AEBP2: variants seen among roughly 807,000 people sequenced by gnomAD.
AEBP2 encodes the protein AE binding protein 2.
Under a neutral mutation model 50.8 loss-of-function variants are expected in AEBP2, and 10 were observed. The ratio of observed to expected loss-of-function variants is 0.20; its 90% CI spans 0.12 to 0.33. AEBP2 has a LOEUF of 0.33. AEBP2 is among the 10% of genes least tolerant of loss of function. AEBP2 has a pLI of 1.00. For synonymous variants in AEBP2, 296 were observed against 261.3 expected (o/e 1.13, Z -1.28); for missense variants, 570 against 688.0 (o/e 0.83, Z 1.92).
intron 3 of AEBP2, among the ~76,000 whole-genome samples, chr12:19,483,012 C>T (rs376122190): frequency 2.6e-5 from 4 of 152,298 alleles, no homozygotes; most frequent in South Asian, 2.1e-4. Context: ...CGCCCCTCCC[C>T]GTCTGCCTAC....
At chr12:19,451,144 G>T (rs1289048597) in intron 1 of AEBP2, among the ~76,000 whole-genome samples, 1 of 152,172 alleles carries the variant, frequency 6.6e-6, no homozygotes, top group Admixed American at 6.5e-5. Flanking sequence ...CTGCATGACA[G>T]CCCTTTTCCA....
intron 4 of AEBP2, among the ~76,000 whole-genome samples, chr12:19,499,656 G>C (rs1231854154): frequency 6.0e-5 from 9 of 149,336 alleles, no homozygotes; most frequent in African/African-American, 2.2e-4. Context: ...TTATTGTATT[G>C]TCAGATTTGT....
At chr12:19,449,583 C>T (rs1948130668) in intron 1 of AEBP2, among the ~76,000 whole-genome samples, 1 of 152,134 alleles carries the variant, frequency 6.6e-6, no homozygotes, top group African/African-American at 2.4e-5. Context: ...TTAGTGAATG[C>T]TGCTGGGTCT....
intron 4 of AEBP2, among the ~76,000 whole-genome samples, chr12:19,494,191 G>A (rs1948936224): frequency 6.6e-6 from 1 of 152,100 alleles, no homozygotes; most frequent in Non-Finnish European, 1.5e-5. Context: ...AATATAAACT[G>A]TATAAAATTA....
chr12:19,456,466 C>T lies in AEBP2; in HGVS notation c.672-6044C>T. ...TCACCAGAGTTCAAGAAGTTAGGGC[C>T]ATCTTCCAGCTTTTTACCAACATGG... On this transcript the variant is annotated intron_variant, in intron 1 of 7. Transcript: ENST00000266508. 8 of 1,463,366 alleles carry T rather than the reference C, an allele frequency of 5.5e-6. 1 individual carries two copies. The highest frequency in any genetic ancestry group is 7.6e-6 in the Non-Finnish European group (8 of 1,049,876). The allele number at this position is 1,463,366 out of a possible 1,614,324, so 90.6% of individuals were successfully genotyped here. A position where few individuals can be genotyped will look rare whatever the true frequency, so the allele number is the denominator to read the frequency against.
At chr12:19,409,301 G>T (rs903174120) in intron 1 of AEBP2, among the ~76,000 whole-genome samples, 1 of 151,608 alleles carries the variant, frequency 6.6e-6, no homozygotes, top group Non-Finnish European at 1.5e-5. Context: ...TTCCCTTTGG[G>T]TCCTAATTAA....
intron 1 of AEBP2, among the ~76,000 whole-genome samples, chr12:19,417,474 T>C (rs1297041596): frequency 6.6e-6 from 1 of 152,084 alleles, no homozygotes; most frequent in African/African-American, 2.4e-5. Flanking sequence ...TCATATGATC[T>C]CGGCTCACTG....
chr12:19,419,648 G>A (rs563817250), intron 1 of AEBP2, among the ~76,000 whole-genome samples: 8 of 151,690 alleles, frequency 5.3e-5, no homozygotes, highest in East Asian at 2.0e-4. Flanking sequence ...AGTAGCAGTC[G>A]GCCGGGCATG....
intron 1 of AEBP2, among the ~76,000 whole-genome samples, chr12:19,443,150 G>T (rs1415796025): frequency 6.6e-6 from 1 of 151,276 alleles, no homozygotes; most frequent in African/African-American, 2.4e-5. Context: ...AGGCTGGAGT[G>T]CAGTGGTACG....
intron 1 of AEBP2, chr12:19,440,704 G>C: frequency 6.5e-7 from 1 of 1,533,470 alleles, no homozygotes; most frequent in East Asian, 2.4e-5. Flanking sequence ...AGAGGGCCTT[G>C]ATGTACACAC....
Position 19,439,745 on chromosome 12 carries a change from C to A in AEBP2, c.46C>A (p.Arg16Ser). 1.3e-6 allele frequency: 2 copies of A among 1,518,118 alleles called. No individual in the cohort carries two copies. The highest frequency in any genetic ancestry group is 1.8e-6 in the Non-Finnish European group (2 of 1,139,572). The allele number at this position is 1,518,118 out of a possible 1,614,324, so 94.0% of individuals were successfully genotyped here. A position where few individuals can be genotyped will look rare whatever the true frequency, so the allele number is the denominator to read the frequency against. ...TDMADLEELS[R>S]LSPLPPGSPG... ...CATGGCCGACCTGGAGGAGCTCTCC[C>A]GCCTGAGCCCTCTGCCCCCCGGCAG... Residue 16 changes from arginine (R) to serine (S), a missense_variant, in exon 1 of 8, where the codon CGC becomes AGC. Physicochemically the swap from Arg to Ser is moderately radical, Grantham distance 110 (BLOSUM62 -1). Coordinates refer to ENST00000266508, the MANE Select transcript of AEBP2 (RefSeq NM_153207.5).
intron 1 of AEBP2, chr12:19,457,102 A>T: frequency 6.2e-7 from 1 of 1,602,168 alleles, no homozygotes; most frequent in Non-Finnish European, 8.5e-7. Flanking sequence ...AATTTTCTTA[A>T]TTTAAGTGTT....
At chr12:19,515,226 C>CT (rs1949301375) in intron 7 of AEBP2, among the ~76,000 whole-genome samples, 1 of 152,110 alleles carries the variant, frequency 6.6e-6, no homozygotes, top group African/African-American at 2.4e-5. Flanking sequence ...TAAGACATAG[C>CT]TTAGAGTGTT....
At chr12:19,404,518 C>T (rs190705803) in intron 1 of AEBP2, among the ~76,000 whole-genome samples, 3 of 152,288 alleles carry the variant, frequency 2.0e-5, no homozygotes, top group East Asian at 1.9e-4. Context: ...TCCTGTGTTG[C>T]TTCTCGGAAA....
intron 4 of AEBP2, among the ~76,000 whole-genome samples, chr12:19,499,615 T>TAAAA (rs59023233): frequency 2.7e-5 from 4 of 146,070 alleles, no homozygotes; most frequent in African/African-American, 7.6e-5. Flanking sequence ...CTCTGTCTCT[T>TAAAA]AAAAAAAAAA....
At chr12:19,440,869 A>G in intron 1 of AEBP2, 1 of 1,058,664 alleles carries the variant, frequency 9.4e-7, no homozygotes, top group Non-Finnish European at 1.3e-6. Flanking sequence ...CTCTACTTAA[A>G]CAAAAAAAGG....
intron 1 of AEBP2, among the ~76,000 whole-genome samples, chr12:19,423,067 A>AC (rs2095746673): frequency 7.0e-6 from 1 of 142,944 alleles, no homozygotes; most frequent in Non-Finnish European, 1.5e-5. Context: ...TCTGTCTCAA[A>AC]AAAAAAAAAA....
At position 19,486,304 on chromosome 12, in the gene AEBP2, A is replaced by G. The variant is rs113892881; in HGVS notation, c.988-7496A>G. 2.8e-3 allele frequency among the ~76,000 whole-genome samples: 431 copies of G among 152,274 alleles called. 1 individual carries two copies. The highest frequency in any genetic ancestry group is 9.8e-3 in the African/African-American group (407 of 41,544). The stretch of plus-strand genomic sequence containing the variant: ...AATTGTATCAAGCAGTCATTTAAAA[A>G]CATTGCTCTGTAGTATTCCACTGTA... On this transcript the variant is annotated intron_variant, in intron 3 of 7. Transcript: ENST00000266508.
At chr12:19,417,475 C>T (rs1003897119) in intron 1 of AEBP2, among the ~76,000 whole-genome samples, 2 of 151,886 alleles carry the variant, frequency 1.3e-5, no homozygotes, top group Non-Finnish European at 2.9e-5. Flanking sequence ...CATATGATCT[C>T]GGCTCACTGC....
Sources: gnomAD v4.1 joint callset for allele counts (sites outside exome capture counted in the v4.1 genomes callset) on GRCh38, gnomAD v4.1.1 for gene constraint, MANE v1.5 for transcripts, NCBI Gene and HGNC (gene_info 2026-07-23, HGNC 2026-07-21) for gene names.